PLEKHH1: variants seen among roughly 807,000 people sequenced by gnomAD.
PLEKHH1 encodes pleckstrin homology domain-containing family H member 1.
A neutral mutation model predicts 160.0 loss-of-function variants in PLEKHH1; 104 were observed. That is an observed-to-expected ratio of 0.65 (90% confidence interval 0.55 to 0.76). The LOEUF (loss-of-function observed/expected upper bound fraction) is 0.76. Ranked by LOEUF, PLEKHH1 falls within the 30% of genes least tolerant of loss-of-function variation. PLEKHH1 has a pLI of 0.00. For missense variants in PLEKHH1, 1,427 were observed against 1,724.1 expected (o/e 0.83, Z 3.05); for synonymous variants, 619 against 678.4 (o/e 0.91, Z 1.36).
intron 2 of PLEKHH1, among the ~76,000 whole-genome samples, chr14:67,548,898 T>C (rs1019527801): frequency 6.6e-6 from 1 of 152,182 alleles, no homozygotes; most frequent in African/African-American, 2.4e-5. Context: ...AAATTTGTAG[T>C]TCAGAAATTT....
intron 2 of PLEKHH1, among the ~76,000 whole-genome samples, chr14:67,543,450 A>T (rs1435792986): frequency 6.6e-6 from 1 of 152,238 alleles, no homozygotes; most frequent in Non-Finnish European, 1.5e-5. Flanking sequence ...AGGAAAGGGC[A>T]GCAGACCTTA....
rs1284325142 is a variant in PLEKHH1, at chr14:67,578,451, T to C, written c.2752-83T>C. 2 of 1,029,434 alleles carry C rather than the reference T, an allele frequency of 1.9e-6. No homozygotes were observed. Among genetic ancestry groups the C allele is most frequent in the Non-Finnish European group, 1.5e-6 (1 of 674,348 alleles). The allele number at this position is 1,029,434 out of a possible 1,614,324, so 63.8% of individuals were successfully genotyped here. On this transcript the variant is annotated intron_variant, in intron 19 of 28. Transcript: ENST00000329153. The surrounding 1 kb of genome is among the most constrained non-coding windows in gnomAD (Gnocchi z 5.0). ...GGGCTCTGGTTTGGGGAAAGAGTGCTGAAGGCTCTGTAGCTCAGGGCTATG... is the reference window on the plus strand; with the variant it reads ...GGGCTCTGGTTTGGGGAAAGAGTGCCGAAGGCTCTGTAGCTCAGGGCTATG...
chr14:67,541,931 G>T lies in PLEKHH1; in HGVS notation c.64G>T (p.Glu22Ter), dbSNP rs1437781363. 1 of 1,606,932 alleles carries T rather than the reference G, an allele frequency of 6.2e-7. No homozygotes were observed. Residue 22 changes from glutamate (E) to a stop codon, truncating the protein, a stop_gained, in exon 2 of 29, where the codon GAA (glutamate) becomes TAA (stop). Transcript: ENST00000329153. LOFTEE classifies it high-confidence loss of function. ...VDWQKRCLTL[E>*]TQLFRFRLQA... The stretch of plus-strand genomic sequence containing the variant: ...CTGGCAGAAACGCTGCCTGACCCTG[G>T]AAACTCAGCTTTTCCGGTTCCGCCT...
At chr14:67,577,497 C>A in intron 18 of PLEKHH1, 83 bp downstream of exon 18, 1 of 867,842 alleles carries the variant, frequency 1.2e-6, no homozygotes. Flanking sequence ...GGGGACAACC[C>A]ACAGAGGGAT....
At chr14:67,569,061 T>C in intron 7 of PLEKHH1, 77 bp from the exon 8 acceptor site, 1 of 1,024,020 alleles carries the variant, frequency 9.8e-7, no homozygotes, top group Non-Finnish European at 1.5e-6. Context: ...AAAGCCATGC[T>C]TTTTCCTGCA....
At chr14:67,535,574 G>T (rs1049187460) in intron 1 of PLEKHH1, among the ~76,000 whole-genome samples, 1 of 151,788 alleles carries the variant, frequency 6.6e-6, no homozygotes, top group African/African-American at 2.4e-5. Context: ...TAGAGACAGG[G>T]TTTCACCATG....
At chr14:67,586,954 G>A in intron 28 of PLEKHH1, 120 bp from the exon 29 acceptor site, 1 of 1,542,788 alleles carries the variant, frequency 6.5e-7, no homozygotes, top group Non-Finnish European at 8.7e-7. Context: ...TCCCAGGTGG[G>A]TATTTTAAGA....
intron 2 of PLEKHH1, among the ~76,000 whole-genome samples, chr14:67,554,725 G>A (rs1192801828): frequency 4.6e-5 from 7 of 152,178 alleles, no homozygotes; most frequent in Admixed American, 1.3e-4. Context: ...AAGCTGCAAA[G>A]AGATGCCATG....
chr14:67,559,555 G>A, intron 4 of PLEKHH1, 53 bp from the exon 5 acceptor site: 2 of 1,299,114 alleles, frequency 1.5e-6, no homozygotes, highest in South Asian at 1.3e-5. Flanking sequence ...CCTCCAGTCA[G>A]TCACTCTCCT....
At position 67,574,140 on chromosome 14, in the gene PLEKHH1, G is replaced by C. The variant is rs1336914919; in HGVS notation, c.1927-102G>C. ...GAGGGAGCACTAGGGCAGGCAGAAG[G>C]CCAGCCCCTTGGGTTCAGGGACAGG... On this transcript the variant is annotated intron_variant, in intron 13 of 28. Transcript: ENST00000329153. This position sits in a 1 kb window ranked among gnomAD's most constrained non-coding sequence, Gnocchi z 4.2. 1 of 1,068,044 alleles carries C rather than the reference G, an allele frequency of 9.4e-7. No individual in the cohort carries two copies. Among genetic ancestry groups the C allele is most frequent in the Non-Finnish European group, 1.3e-6 (1 of 748,134 alleles). 66.2% of individuals were successfully genotyped at this position (1,068,044 alleles called of 1,614,324 possible). A position where few individuals can be genotyped will look rare whatever the true frequency, so the allele number is the denominator to read the frequency against.
chr14:67,583,881 G>A lies in PLEKHH1; in HGVS notation c.3567G>A (p.Leu1189=). 13 of 1,613,732 alleles carry A rather than the reference G, an allele frequency of 8.1e-6. No individual in the cohort carries two copies. Among genetic ancestry groups the A allele is most frequent in the Non-Finnish European group, 1.1e-5 (13 of 1,179,696 alleles). The change falls in exon 25 of 29, where the codon CTG becomes CTA. Residue 1189 remains leucine (L), a splice_region_variant and synonymous_variant. Coordinates refer to ENST00000329153, the MANE Select transcript of PLEKHH1 (RefSeq NM_020715.3). ...RYRHGAPAEQ[L]RHLADMLTTK... is the part of the protein sequence containing the mutation. ...GACATGGGGCCCCCGCTGAACAGCT[G>A]AGGTAGGTAGGCTACAAGGTCTTGC...
chr14:67,561,935 C>G lies in PLEKHH1; in HGVS notation c.424-19C>G. ...CTGTAGGCTGGGTGTCCTAAATCTT[C>G]ATTTTTCTTTTTGCTCAGCTTGAGA... On this transcript the variant is annotated intron_variant, in intron 5 of 28. Transcript: ENST00000329153. 6.3e-7 allele frequency: 1 copy of G among 1,590,470 alleles called. No individual in the cohort carries two copies. The highest frequency in any genetic ancestry group is 8.6e-7 in the Non-Finnish European group (1 of 1,159,166).
At chr14:67,585,041 C>T (rs909060954) in intron 26 of PLEKHH1, 1 of 152,788 alleles carries the variant, frequency 6.5e-6, no homozygotes, top group South Asian at 2.1e-4. Context: ...TTAGTCATTA[C>T]AGGAATGTCC....
At chr14:67,575,045 C>T (rs1391766649) in intron 14 of PLEKHH1, among the ~76,000 whole-genome samples, 1 of 152,228 alleles carries the variant, frequency 6.6e-6, no homozygotes, top group African/African-American at 2.4e-5. Flanking sequence ...CCAAGGGCTT[C>T]AGCCTGCTGT....
chr14:67,550,195 T>A (rs2034343073), intron 2 of PLEKHH1, among the ~76,000 whole-genome samples: 1 of 152,162 alleles, frequency 6.6e-6, no homozygotes, highest in African/African-American at 2.4e-5. Flanking sequence ...GTCTTTATAT[T>A]TTTTATTTTT....
intron 1 of PLEKHH1, among the ~76,000 whole-genome samples, chr14:67,534,224 A>G (rs2043836827): frequency 6.6e-6 from 1 of 152,144 alleles, no homozygotes; most frequent in Non-Finnish European, 1.5e-5. Flanking sequence ...GAACATCGGT[A>G]TTAGTGTTTC....
chr14:67,561,563 CAGAAA>C (rs1594764392), intron 5 of PLEKHH1, among the ~76,000 whole-genome samples: 1 of 151,910 alleles, frequency 6.6e-6, no homozygotes, highest in South Asian at 2.1e-4. Context: ...GACCTTGTCT[CAGAAA>C]AGAAAAGAAT....
chr14:67,578,290 C>T lies in PLEKHH1; in HGVS notation c.2751+91C>T, dbSNP rs548440708. 23 of 1,178,456 alleles carry T rather than the reference C, an allele frequency of 2.0e-5. No individual in the cohort carries two copies. Among genetic ancestry groups the T allele is most frequent in the African/African-American group, 1.6e-4 (11 of 67,076 alleles). The allele number at this position is 1,178,456 out of a possible 1,614,324, so 73.0% of individuals were successfully genotyped here. A position where few individuals can be genotyped will look rare whatever the true frequency, so the allele number is the denominator to read the frequency against. On this transcript the variant is annotated intron_variant, in intron 19 of 28. Transcript: ENST00000329153. This position sits in a 1 kb window ranked among gnomAD's most constrained non-coding sequence, Gnocchi z 5.0. Reference sequence around the variant, plus strand: ...GGGAGGAGGTGACTGGGCAGGTATACGGTGAGCCCAGCCAGCGGGCAGCCT... The same window carrying T: ...GGGAGGAGGTGACTGGGCAGGTATATGGTGAGCCCAGCCAGCGGGCAGCCT...
chr14:67,558,114 A>G (rs976691415), intron 4 of PLEKHH1, among the ~76,000 whole-genome samples: 1 of 152,046 alleles, frequency 6.6e-6, no homozygotes, highest in Non-Finnish European at 1.5e-5. Flanking sequence ...TGGAACATCT[A>G]CCTGCCAGTT....
Sources: allele counts gnomAD v4.1 joint callset (sites outside exome capture counted in the v4.1 genomes callset), GRCh38; gene constraint gnomAD v4.1.1; non-coding constraint Gnocchi (gnomAD v3.1); transcripts MANE v1.5; gene names NCBI Gene and HGNC (gene_info 2026-07-23, HGNC 2026-07-21).